RBFOX1: variants seen among roughly 807,000 people sequenced by gnomAD.
The protein encoded by RBFOX1 is RNA binding fox-1 homolog 1, also known as RNA binding protein fox-1 homolog 1.
A neutral mutation model predicts 57.7 loss-of-function variants in RBFOX1; 8 were observed. That is an observed-to-expected ratio of 0.14 (90% confidence interval 0.08 to 0.25). RBFOX1 has a LOEUF of 0.25. RBFOX1 is among the 10% of genes least tolerant of loss of function. The pLI, the probability that RBFOX1 is intolerant of heterozygous loss-of-function variation, is 1.00. For missense variants in RBFOX1, 611 were observed against 548.5 expected (o/e 1.11, Z -1.14); for synonymous variants, 326 against 222.4 (o/e 1.47, Z -4.15).
intron 4 of RBFOX1, among the ~76,000 whole-genome samples, chr16:5,899,498 C>T (rs1053236649): frequency 1.3e-5 from 2 of 152,272 alleles, no homozygotes; most frequent in Non-Finnish European, 2.9e-5. Context: ...GAATTCTCTG[C>T]TTGACTAGCT....
intron 3 of RBFOX1, among the ~76,000 whole-genome samples, chr16:6,996,938 A>T (rs756184842): frequency 1.3e-5 from 2 of 152,170 alleles, no homozygotes; most frequent in South Asian, 4.1e-4. Context: ...AGACTAGAGA[A>T]TTTTTAATAA....
At chr16:6,976,251 G>T (rs2086816475) in intron 3 of RBFOX1, among the ~76,000 whole-genome samples, 1 of 152,100 alleles carries the variant, frequency 6.6e-6, no homozygotes, top group African/African-American at 2.4e-5. Context: ...TGAGGCACGG[G>T]GCAGTTAAGA....
chr16:7,331,756 A>G (rs945554355), intron 4 of RBFOX1, among the ~76,000 whole-genome samples: 7 of 152,168 alleles, frequency 4.6e-5, no homozygotes, highest in Admixed American at 1.3e-4. Context: ...TCACACAGCT[A>G]GTGATTATAC....
At chr16:5,790,372 C>G (rs2054649526) in intron 3 of RBFOX1, among the ~76,000 whole-genome samples, 1 of 152,022 alleles carries the variant, frequency 6.6e-6, no homozygotes, top group South Asian at 2.1e-4. Context: ...GGTGCAGAGA[C>G]CGTACAGAGA....
chr16:5,942,789 C>T (rs544220918), intron 4 of RBFOX1, among the ~76,000 whole-genome samples: 3 of 152,296 alleles, frequency 2.0e-5, no homozygotes, highest in Non-Finnish European at 2.9e-5. Flanking sequence ...ATAATTTTCT[C>T]ACTGTTGTAT....
intron 4 of RBFOX1, among the ~76,000 whole-genome samples, chr16:7,190,773 AT>A (rs1268748897): frequency 6.6e-6 from 1 of 152,180 alleles, no homozygotes; most frequent in African/African-American, 2.4e-5. Context: ...ATTCGGGTTT[AT>A]GGCATTGCTC....
Position 6,252,844 on chromosome 16 carries a change from G to T in RBFOX1, c.-126-64151G>T, listed in dbSNP as rs1010909944. Among the ~76,000 whole-genome samples the T allele has an allele frequency of 2.6e-5, 4 of 152,102 alleles. 1 individual carries two copies. Among genetic ancestry groups the T allele is most frequent in the African/African-American group, 9.7e-5 (4 of 41,410 alleles). On this transcript the variant is annotated intron_variant, in intron 1 of 15. Coordinates refer to ENST00000550418, the MANE Select transcript of RBFOX1 (RefSeq NM_018723.4). ...ATTCTGAACATGTTGCTGTTCGATG[G>T]GTGTGAATGGATCGTGTAGGCACAG...
At chr16:6,828,576 T>G (rs918282983) in intron 3 of RBFOX1, among the ~76,000 whole-genome samples, 3 of 151,188 alleles carry the variant, frequency 2.0e-5, no homozygotes, top group Non-Finnish European at 4.4e-5. Context: ...TGTGGGCTGA[T>G]CAGATCCTGA....
intron 3 of RBFOX1, among the ~76,000 whole-genome samples, chr16:6,905,184 T>G (rs995636412): frequency 3.3e-5 from 5 of 152,164 alleles, no homozygotes; most frequent in Non-Finnish European, 7.3e-5. Context: ...TTTATCCATT[T>G]TTTTTCTCAA....
intron 4 of RBFOX1, among the ~76,000 whole-genome samples, chr16:5,929,474 A>G (rs866779614): frequency 1.3e-3 from 198 of 152,188 alleles, no homozygotes; most frequent in African/African-American, 4.7e-3. Context: ...TTCCTCTCCT[A>G]TAAGACAGCA....
rs186459672 is a variant in RBFOX1 at position 6,864,718 on chromosome 16, G to C, written c.-15-187339G>C. Among the ~76,000 whole-genome samples, 243 of 152,162 alleles carry C rather than the reference G, an allele frequency of 1.6e-3. 1 individual carries two copies. Among genetic ancestry groups the C allele is most frequent in the Middle Eastern group, 6.8e-3 (2 of 294 alleles). On this transcript the variant is annotated intron_variant, in intron 3 of 15. Coordinates refer to ENST00000550418, the MANE Select transcript of RBFOX1 (RefSeq NM_018723.4). ...TAATGCATGGAATCCTGAAGAAAAA[G>C]TTGCTTCCTAGAAGATGTTGCTCTG...
intron 3 of RBFOX1, among the ~76,000 whole-genome samples, chr16:6,965,214 G>A (rs529463001): frequency 6.6e-6 from 1 of 152,226 alleles, no homozygotes; most frequent in East Asian, 1.9e-4. Flanking sequence ...AATCACTAAT[G>A]AAAAGGAAAG....
downstream of RBFOX1, among the ~76,000 whole-genome samples, chr16:5,602,189 C>T (rs1272799791): frequency 1.3e-5 from 2 of 152,354 alleles, no homozygotes; most frequent in African/African-American, 4.8e-5. Flanking sequence ...ACGACCTCTA[C>T]TGGAGGCAGC....
chr16:5,413,407 A>G (rs2067077193), intron 1 of RBFOX1, among the ~76,000 whole-genome samples: 1 of 152,186 alleles, frequency 6.6e-6, no homozygotes, highest in African/African-American at 2.4e-5. Flanking sequence ...AGCATCCAAT[A>G]CATATCCGTG....
chr16:6,174,587 C>T (rs772209844), intron 1 of RBFOX1, among the ~76,000 whole-genome samples: 5 of 151,436 alleles, frequency 3.3e-5, no homozygotes, highest in Non-Finnish European at 7.4e-5. Flanking sequence ...AGAGTGAGAG[C>T]CTATCTCCAA....
intron 14 of RBFOX1, among the ~76,000 whole-genome samples, chr16:7,699,289 T>C (rs1287189030): frequency 6.6e-6 from 1 of 151,008 alleles, no homozygotes; most frequent in African/African-American, 2.4e-5. Context: ...CCTCCTGGGA[T>C]CTAGCGATCC....
chr16:6,751,960 T>G (rs989475646), intron 3 of RBFOX1, among the ~76,000 whole-genome samples: 2 of 152,150 alleles, frequency 1.3e-5, no homozygotes, highest in African/African-American at 2.4e-5. Context: ...AATTGAGATT[T>G]TATGTCCTTG....
chr16:7,632,004 G>A (rs754179066), intron 11 of RBFOX1, among the ~76,000 whole-genome samples: 1 of 152,098 alleles, frequency 6.6e-6, no homozygotes, highest in Non-Finnish European at 1.5e-5. Flanking sequence ...CCGCCTCCTG[G>A]GCTCAAGCAA....
chr16:6,970,581 C>T (rs533026763), intron 3 of RBFOX1, among the ~76,000 whole-genome samples: 5 of 152,120 alleles, frequency 3.3e-5, no homozygotes, highest in African/African-American at 1.2e-4. Flanking sequence ...GGCGTTGTGT[C>T]TTCACATGGT....
Sources: gnomAD v4.1 joint callset for allele counts (sites outside exome capture counted in the v4.1 genomes callset) on GRCh38, gnomAD v4.1.1 for gene constraint, MANE v1.5 for transcripts, NCBI Gene and HGNC (gene_info 2026-07-23, HGNC 2026-07-21) for gene names.